CIB2: variants seen among roughly 807,000 people sequenced by gnomAD.
CIB2 encodes calcium and integrin binding family member 2, also known as calcium and integrin-binding family member 2.
In CIB2, 19 loss-of-function variants were observed where a neutral mutation model predicts 23.1. The ratio of observed to expected loss-of-function variants is 0.82; its 90% confidence interval spans 0.57 to 1.21. CIB2 has a LOEUF of 1.21. Among genes scored for constraint, CIB2 ranks in the 50% most tolerant of loss-of-function variants. CIB2 has a pLI of 0.00. For synonymous variants in CIB2, 94 were observed against 91.7 expected (o/e 1.03, Z -0.14); for missense variants, 220 against 241.5 (o/e 0.91, Z 0.59).
chr15:78,118,165 TA>T lies in CIB2; in HGVS notation c.86+5539del, dbSNP rs1334001727. Among the ~76,000 whole-genome samples, 15 of 152,324 alleles carry T rather than the reference TA, an allele frequency of 9.8e-5. No homozygotes were observed. In the East Asian group the frequency reaches 2.7e-3, roughly 27 times the overall value. On this transcript the variant is annotated intron_variant, in intron 2 of 5. Transcript: ENST00000258930. ...AGGTACAGTATAATCCCATTTTTTT[TA>T]AAAAAGCTTGTATATATTTATATAC...
At chr15:78,106,265 C>T (rs2074069446) in intron 4 of CIB2, among the ~76,000 whole-genome samples, 1 of 152,192 alleles carries the variant, frequency 6.6e-6, no homozygotes, top group Non-Finnish European at 1.5e-5. Flanking sequence ...ACAGTGGACC[C>T]AGTGTTCCCT....
chr15:78,114,942 T>C (rs182564444), intron 2 of CIB2, among the ~76,000 whole-genome samples: 1 of 151,566 alleles, frequency 6.6e-6, no homozygotes, highest in Admixed American at 6.6e-5. Flanking sequence ...AGCATACTGG[T>C]AAATCAAATC....
At chr15:78,108,201 CAA>C (rs5813898) in intron 4 of CIB2, among the ~76,000 whole-genome samples, 3,785 of 105,466 alleles carry the variant, frequency 0.036, 49 homozygotes, top group African/African-American at 0.06. Flanking sequence ...GACTCTGTCT[CAA>C]AAAAAAAAAA....
Position 78,108,597 on chromosome 15 carries a change from TC to T in CIB2, c.346+637del, listed in dbSNP as rs542640031. On this transcript the variant is annotated intron_variant, in intron 4 of 5. Coordinates refer to ENST00000258930, the MANE Select transcript of CIB2 (RefSeq NM_006383.4). ...CAGGTGGCCCTACCTCAGGCAGTAT[TC>T]GGGGGGGCTCCAGAGGCCCCCCTGC... Among the ~76,000 whole-genome samples, 169 of 152,234 alleles carry T rather than the reference TC, an allele frequency of 1.1e-3. 1 individual carries two copies. The highest frequency in any genetic ancestry group is 4.0e-3 in the African/African-American group (166 of 41,532).
At chr15:78,116,667 C>T (rs1021202617) in intron 2 of CIB2, among the ~76,000 whole-genome samples, 1 of 152,050 alleles carries the variant, frequency 6.6e-6, no homozygotes, top group African/African-American at 2.4e-5. Context: ...GGAGAGGAGG[C>T]AAGTTACCAT....
At chr15:78,128,002 G>A (rs55914317) in intron 1 of CIB2, among the ~76,000 whole-genome samples, 13,692 of 152,238 alleles carry the variant, frequency 0.09, 1,150 homozygotes, top group African/African-American at 0.22. Context: ...CTGGAGCCAC[G>A]CCTTAACAAA....
chr15:78,130,981 G>T (rs948821387), intron 1 of CIB2, among the ~76,000 whole-genome samples, 184 bp downstream of exon 1: 1 of 152,164 alleles, frequency 6.6e-6, no homozygotes, highest in Non-Finnish European at 1.5e-5. Context: ...TTATTCCACC[G>T]GTGGGGAAAC....
intron 3 of CIB2, 108 bp downstream of exon 3, chr15:78,111,057 C>T (rs2074151051): frequency 5.6e-6 from 5 of 899,032 alleles, no homozygotes; most frequent in Admixed American, 1.7e-5. Flanking sequence ...CTGCTCAGAG[C>T]CACGCAGACA....
intron 2 of CIB2, among the ~76,000 whole-genome samples, chr15:78,114,911 TAAGTA>T (rs2074216362): frequency 6.7e-6 from 1 of 149,894 alleles, no homozygotes; most frequent in South Asian, 2.1e-4. Flanking sequence ...AAAAAAAAGA[TAAGTA>T]AAGAAAGAAA....
At chr15:78,105,639 C>T (rs780172235) in intron 5 of CIB2, 100 bp downstream of exon 5, 17 of 1,593,762 alleles carry the variant, frequency 1.1e-5, no homozygotes, top group African/African-American at 2.7e-5. Context: ...CCTGGCCGCA[C>T]ACCACTGCTC....
At chr15:78,123,417 T>C (rs1191902863) in intron 2 of CIB2, among the ~76,000 whole-genome samples, 4 of 152,100 alleles carry the variant, frequency 2.6e-5, no homozygotes, top group Non-Finnish European at 4.4e-5. Context: ...GATTCTCTTG[T>C]TACAAGGTCA....
intron 2 of CIB2, among the ~76,000 whole-genome samples, chr15:78,115,121 G>C (rs2074218630): frequency 6.6e-6 from 1 of 152,176 alleles, no homozygotes; most frequent in Non-Finnish European, 1.5e-5. Context: ...AAAAATATCT[G>C]AGAAGTTATA....
At chr15:78,114,266 T>A (rs1438742973) in intron 2 of CIB2, among the ~76,000 whole-genome samples, 1 of 152,208 alleles carries the variant, frequency 6.6e-6, no homozygotes, top group Admixed American at 6.5e-5. Flanking sequence ...GCTTCTACCC[T>A]GGGACACAGA....
At chr15:78,109,513 T>G (rs2074123853) in intron 3 of CIB2, 131 bp from the exon 4 acceptor site, 2 of 954,350 alleles carry the variant, frequency 2.1e-6, no homozygotes, top group Non-Finnish European at 3.3e-6. Context: ...TCCCCATCTG[T>G]AAAAAGGGAA....
chr15:78,106,372 A>G (rs1561807), intron 4 of CIB2, among the ~76,000 whole-genome samples: 140,380 of 152,230 alleles, frequency 0.92, 64,871 homozygotes, highest in East Asian at 1. Flanking sequence ...GATTCTGACT[A>G]GGGCCTATGG....
At position 78,124,871 on chromosome 15, in the gene CIB2, G is replaced by C. The variant is rs2074362762; in HGVS notation, c.52-1132C>G. On this transcript the variant is annotated intron_variant, in intron 1 of 5. Transcript: ENST00000258930. ...GGACATCAGGGCAATTGGATTGCGT[G>C]TTAAGAGGCCCAAAGAGAGGACGCC... Among the ~76,000 whole-genome samples the C allele has an allele frequency of 2.6e-5, 4 of 152,308 alleles. No individual in the cohort carries two copies. In the South Asian group the frequency reaches 8.3e-4, roughly 32 times the overall value.
At chr15:78,121,753 A>G (rs2074322174) in intron 2 of CIB2, among the ~76,000 whole-genome samples, 1 of 151,702 alleles carries the variant, frequency 6.6e-6, no homozygotes, top group Non-Finnish European at 1.5e-5. Flanking sequence ...AATCAATTAA[A>G]CCTCTTTCCT....
chr15:78,105,587 A>T, intron 5 of CIB2, 152 bp downstream of exon 5: 2 of 1,506,784 alleles, frequency 1.3e-6, no homozygotes, highest in Non-Finnish European at 1.8e-6. Context: ...AAGGCCAGTC[A>T]CACGTCTAGG....
chr15:78,124,991 C>A (rs2074364145), intron 1 of CIB2, among the ~76,000 whole-genome samples: 1 of 152,134 alleles, frequency 6.6e-6, no homozygotes, highest in Non-Finnish European at 1.5e-5. Context: ...CCCATTTGGC[C>A]CAACAAGTCT....
Sources: gnomAD v4.1 joint callset for allele counts (sites outside exome capture counted in the v4.1 genomes callset) on GRCh38, gnomAD v4.1.1 for gene constraint, MANE v1.5 for transcripts, NCBI Gene and HGNC (gene_info 2026-07-23, HGNC 2026-07-21) for gene names.